The following EIPR1 variants were observed in gnomAD, a reference collection of about 807,000 sequenced individuals.
The protein encoded by EIPR1 is EARP and GARP complex-interacting protein 1.
In EIPR1, 25 loss-of-function variants were observed where a neutral mutation model predicts 48.1. The ratio of observed to expected loss-of-function variants is 0.52; its 90% CI spans 0.38 to 0.73. EIPR1 has a LOEUF of 0.73. EIPR1 is among the 30% of genes least tolerant of loss of function. EIPR1 has a pLI of 0.00. For missense variants in EIPR1, 415 were observed against 506.2 expected, an observed-to-expected ratio of 0.82 and a Z score of 1.73; for synonymous variants, 204 against 201.9, an observed-to-expected ratio of 1.01 and a Z score of -0.09.
intron 3 of EIPR1, among the ~76,000 whole-genome samples, chr2:3,310,124 G>A (rs570382012): frequency 2.6e-4 from 39 of 152,186 alleles, no homozygotes; most frequent in Non-Finnish European, 5.0e-4. Flanking sequence ...AGAGAAAAAG[G>A]AGCTGGAAAG....
intron 4 of EIPR1, among the ~76,000 whole-genome samples, chr2:3,248,327 C>T (rs576246500): frequency 3.2e-4 from 49 of 152,218 alleles, no homozygotes; most frequent in African/African-American, 9.1e-4. Context: ...GGTGCGGTGG[C>T]ACACGCCTGT....
intron 4 of EIPR1, among the ~76,000 whole-genome samples, chr2:3,216,478 G>T (rs1665640936): frequency 6.7e-6 from 1 of 149,618 alleles, no homozygotes; most frequent in Admixed American, 6.8e-5. Flanking sequence ...CTCCAGAAAG[G>T]CAGAGATTCC....
chr2:3,202,647 C>T (rs989552235), intron 5 of EIPR1, among the ~76,000 whole-genome samples: 6 of 152,154 alleles, frequency 3.9e-5, no homozygotes, highest in Admixed American at 6.5e-5. Flanking sequence ...GGGGAAGGCC[C>T]GAAATCTTGA....
At chr2:3,334,968 G>A (rs1670001325) in intron 3 of EIPR1, among the ~76,000 whole-genome samples, 1 of 152,190 alleles carries the variant, frequency 6.6e-6, no homozygotes, top group Non-Finnish European at 1.5e-5. Context: ...GACCAAGAGT[G>A]CTTGGCAATT....
At chr2:3,198,515 C>A (rs905274385) in intron 5 of EIPR1, among the ~76,000 whole-genome samples, 1 of 152,224 alleles carries the variant, frequency 6.6e-6, no homozygotes, top group Non-Finnish European at 1.5e-5. Context: ...AAGCCACCAT[C>A]CTTGCAGAGC....
intron 8 of EIPR1, among the ~76,000 whole-genome samples, chr2:3,191,812 A>C (rs1452684585): frequency 6.6e-6 from 1 of 152,214 alleles, no homozygotes; most frequent in African/African-American, 2.4e-5. Context: ...ATCAGAAATC[A>C]AGGTGCATAG....
At chr2:3,376,245 TG>T (rs969956546) in intron 1 of EIPR1, among the ~76,000 whole-genome samples, 1 of 151,710 alleles carries the variant, frequency 6.6e-6, no homozygotes, top group Non-Finnish European at 1.5e-5. Flanking sequence ...AGCCATGAGG[TG>T]GGGGGGAGGG....
chr2:3,304,800 A>ATTCAGCCATCCAGTCCCGTCCAG (rs1668870367), intron 3 of EIPR1, among the ~76,000 whole-genome samples: 1 of 38,320 alleles, frequency 2.6e-5, no homozygotes, highest in African/African-American at 1.1e-4. Flanking sequence ...GTCCCGTCCA[A>ATTCAGCCATCCAGTCCCGTCCAG]TTCAGCCCTC....
chr2:3,207,874 A>T (rs1459658552), intron 5 of EIPR1: 1 of 152,310 alleles, frequency 6.6e-6, no homozygotes, highest in Non-Finnish European at 1.5e-5. Context: ...TAGTTTTATG[A>T]TATTAAAACT....
chr2:3,208,737 G>A lies in EIPR1; in HGVS notation c.516+5412C>T, dbSNP rs542896816. On this transcript the variant is annotated intron_variant, in intron 5 of 8. Coordinates refer to ENST00000382125, the MANE Select transcript of EIPR1 (RefSeq NM_003310.5). ...TTCTTCCATGCGTGAGGCTCGTGGCGGGTCCTTCTGTGAGTGAGGCCCGTG... is the reference window on the plus strand; with the variant it reads ...TTCTTCCATGCGTGAGGCTCGTGGCAGGTCCTTCTGTGAGTGAGGCCCGTG... 8.0e-5 allele frequency: 123 copies of A among 1,547,036 alleles called. No homozygotes were observed. The African/African-American group carries it at 1.1e-3, about 13-fold the overall frequency.
chr2:3,264,876 G>A (rs1294650826), intron 3 of EIPR1, among the ~76,000 whole-genome samples: 5 of 151,966 alleles, frequency 3.3e-5, no homozygotes, highest in African/African-American at 7.3e-5. Context: ...TAGTAGAGAC[G>A]GGGTTTCTCC....
intron 4 of EIPR1, among the ~76,000 whole-genome samples, chr2:3,223,863 C>G (rs971093853): frequency 5.9e-5 from 9 of 152,140 alleles, no homozygotes; most frequent in African/African-American, 2.2e-4. Flanking sequence ...CAGCTCCGAC[C>G]ACATGTCCCA....
intron 4 of EIPR1, among the ~76,000 whole-genome samples, chr2:3,232,121 A>G (rs1039548461): frequency 1.3e-5 from 2 of 152,148 alleles, no homozygotes; most frequent in African/African-American, 4.8e-5. Flanking sequence ...ATAATTGTTC[A>G]CAGTAGTCTC....
intron 1 of EIPR1, among the ~76,000 whole-genome samples, chr2:3,358,250 T>G (rs1670775401): frequency 6.6e-6 from 1 of 152,222 alleles, no homozygotes; most frequent in African/African-American, 2.4e-5. Context: ...CTGCCTAGTT[T>G]TGACTTGGTT....
At chr2:3,241,340 T>C (rs906855682) in intron 4 of EIPR1, among the ~76,000 whole-genome samples, 4 of 152,262 alleles carry the variant, frequency 2.6e-5, no homozygotes, top group Non-Finnish European at 5.9e-5. Flanking sequence ...TCTTTCACTA[T>C]TTATCCATGG....
Position 3,353,485 on chromosome 2 carries a change from T to C in EIPR1, c.126+1065A>G, listed in dbSNP as rs144376891. Among the ~76,000 whole-genome samples, 937 of 152,318 alleles carry C rather than the reference T, an allele frequency of 6.2e-3. 14 individuals carry two copies. Among genetic ancestry groups the C allele is most frequent in the East Asian group, 0.01 (53 of 5,190 alleles). On this transcript the variant is annotated intron_variant, in intron 2 of 8. Transcript: ENST00000382125. ...AGTGTAATAAGGGAATACTATTCAC[T>C]GTGAGTAACCAGATTCAACCTGAGG... is the stretch of plus-strand genomic sequence containing the variant.
chr2:3,304,313 C>T (rs1369569655), intron 3 of EIPR1, among the ~76,000 whole-genome samples: 2 of 152,176 alleles, frequency 1.3e-5, no homozygotes, highest in Non-Finnish European at 2.9e-5. Flanking sequence ...TCAGAATCAC[C>T]CAGGCAACCT....
intron 3 of EIPR1, among the ~76,000 whole-genome samples, chr2:3,329,351 C>CA (rs1669815073): frequency 6.6e-6 from 1 of 151,320 alleles, no homozygotes; most frequent in African/African-American, 2.5e-5. Context: ...CTAATGATCT[C>CA]GGGATGCCAG....
At chr2:3,275,938 G>T (rs1667834516) in intron 3 of EIPR1, among the ~76,000 whole-genome samples, 1 of 152,140 alleles carries the variant, frequency 6.6e-6, no homozygotes, top group South Asian at 2.1e-4. Context: ...ACTGCTAATG[G>T]CAGAACAAAA....
Sources: allele counts gnomAD v4.1 joint callset (sites outside exome capture counted in the v4.1 genomes callset), GRCh38; gene constraint gnomAD v4.1.1; transcripts MANE v1.5; gene names NCBI Gene and HGNC (gene_info 2026-07-23, HGNC 2026-07-21).